ARHGAP4: variants seen among roughly 807,000 people sequenced by gnomAD.
The protein encoded by ARHGAP4 is Rho GTPase activating protein 4, also known as rho GTPase-activating protein 4.
A neutral mutation model predicts 67.6 loss-of-function variants in ARHGAP4; 25 were observed. The ratio of observed to expected loss-of-function variants is 0.37; its 90% CI spans 0.27 to 0.52. The LOEUF is 0.52. Ranked by LOEUF, ARHGAP4 falls within the 20% of genes least tolerant of loss-of-function variation. ARHGAP4 has a pLI of 0.92. For missense variants in ARHGAP4, 804 were observed against 854.6 expected, an observed-to-expected ratio of 0.94 and a Z score of 0.74; for synonymous variants, 448 against 373.7, an observed-to-expected ratio of 1.20 and a Z score of -2.29.
At chrX:153,910,901 G>A (rs781969307) in intron 14 of ARHGAP4, 21 bp downstream of exon 14, 95 of 440,837 alleles carry the variant, frequency 2.2e-4, no homozygotes, top group Non-Finnish European at 2.8e-4. Context: ...CCCCACCCCC[G>A]CCCGCCCTGC....
chrX:153,920,989 T>C, intron 4 of ARHGAP4, 108 bp downstream of exon 4: 7 of 1,059,811 alleles, frequency 6.6e-6, no homozygotes, highest in Non-Finnish European at 9.0e-6. Context: ...TGCTTCTCCC[T>C]GAGCCTGGCT....
At chrX:153,915,932 T>C (rs1413089699) in intron 7 of ARHGAP4, among the ~76,000 whole-genome samples, 4 of 111,857 alleles carry the variant, frequency 3.6e-5, no homozygotes, top group African/African-American at 6.5e-5. Flanking sequence ...TGGTCCCAGA[T>C]GAGGAAGATG....
At position 153,910,861 on chromosome X, in the gene ARHGAP4, G is replaced by T. The variant is rs368557149; in HGVS notation, c.1682-27C>A. 2.5e-6 allele frequency: 3 copies of T among 1,185,187 alleles called. No homozygotes were observed. In the African/African-American group the frequency reaches 5.3e-5, roughly 21 times the overall value. On this transcript the variant is annotated intron_variant, in intron 14 of 21. Coordinates refer to ENST00000350060, the MANE Select transcript of ARHGAP4 (RefSeq NM_001666.5). ...TGCAGATGGGCGAGTGGTGCGGTAGGGGGAGGAAGCTGGTGACATCTGCCC... is the reference window on the plus strand; with the variant it reads ...TGCAGATGGGCGAGTGGTGCGGTAGTGGGAGGAAGCTGGTGACATCTGCCC...
At chrX:153,916,564 T>G (rs1054418041) in intron 7 of ARHGAP4, among the ~76,000 whole-genome samples, 3 of 113,078 alleles carry the variant, frequency 2.7e-5, no homozygotes, top group Non-Finnish European at 5.6e-5. Flanking sequence ...GAGTTTCTAC[T>G]GGGGAAACTG....
intron 7 of ARHGAP4, among the ~76,000 whole-genome samples, chrX:153,918,099 A>G (rs2065067583): frequency 8.8e-6 from 1 of 113,169 alleles, no homozygotes; most frequent in Admixed American, 9.3e-5. Context: ...AAGGAAGGAC[A>G]TGTGATCCTA....
At chrX:153,913,968 T>C in intron 7 of ARHGAP4, 89 bp from the exon 8 acceptor site, 3 of 869,328 alleles carry the variant, frequency 3.5e-6, no homozygotes, top group Non-Finnish European at 4.9e-6. Context: ...AAGCACCCTT[T>C]TGTGGCCTGG....
intron 4 of ARHGAP4, 140 bp downstream of exon 4, chrX:153,920,957 G>A: frequency 1.2e-6 from 1 of 839,532 alleles, no homozygotes; most frequent in Middle Eastern, 3.0e-4. Flanking sequence ...CCTAGGGAGA[G>A]AGGCCTTTGC....
In ARHGAP4 at chrX:153,909,089, T is replaced by C. The variant is rs977337947; in HGVS notation, c.2588A>G (p.Gln863Arg). ...TCTCACCTTATCCACCTCCACGTGT[T>C]GCTCTGGGGAGGCTGGGACCAAGCA... ...RRCLVPASPE[Q>R]HVEVDKAVAQ... The change falls in exon 21 of 22, where the codon CAA becomes CGA. Residue 863 changes from glutamine (Q) to arginine (R), a missense_variant. By Grantham distance (43) the Gln-to-Arg change is conservative (BLOSUM62 1). This residue lies in a region of ARHGAP4 where 400 missense variants were observed against 348.7 expected (regional missense o/e 1.15). Transcript: ENST00000350060. The C allele has an allele frequency of 2.1e-5, 25 of 1,210,219 alleles. No individual in the cohort carries two copies. The highest frequency in any genetic ancestry group is 2.8e-5 in the Non-Finnish European group (25 of 895,015).
In ARHGAP4 at chrX:153,910,968, C is replaced by T. The variant is rs1557103143; in HGVS notation, c.1635G>A (p.Ser545=). The T allele has an allele frequency of 2.6e-6, 3 of 1,168,933 alleles. No homozygotes were observed. The highest frequency in any genetic ancestry group is 1.8e-5 in the African/African-American group (1 of 56,004). Residue 545 remains serine (S), a synonymous_variant, in exon 14 of 22, where the codon TCG becomes TCA. Coordinates refer to ENST00000350060, the MANE Select transcript of ARHGAP4 (RefSeq NM_001666.5). ...GLQHEGIFRV[S]GAQLRVSEIR... ...TCTCTGAGACCCGGAGCTGGGCACC[C>T]GATACCCGGAAGATGCCTTCATGCT...
At chrX:153,912,092 C>G (rs1557103404) in intron 12 of ARHGAP4, among the ~76,000 whole-genome samples, 1 of 104,658 alleles carries the variant, frequency 9.6e-6, no homozygotes, top group Non-Finnish European at 2.0e-5. Context: ...TCTTTTCTTT[C>G]TCTCTCTTTT....
At chrX:153,913,344 T>C (rs781796106) in intron 9 of ARHGAP4, 42 bp from the exon 10 acceptor site, 23 of 1,202,150 alleles carry the variant, frequency 1.9e-5, no homozygotes, top group Middle Eastern at 4.6e-4. Flanking sequence ...AGCCCTGGCT[T>C]GAGCCCCTCC....
At position 153,909,480 on chromosome X, in the gene ARHGAP4, T is replaced by C; in HGVS notation, c.2470A>G (p.Ser824Gly). The change falls in exon 20 of 22, where the codon AGT becomes GGT. Residue 824 changes from serine (S) to glycine (G), a missense_variant. Physicochemically the swap from Ser to Gly is moderately conservative, Grantham distance 56. Around this residue, in one of 2 missense-constraint regions of ARHGAP4, gnomAD observed 400 missense variants for 348.7 expected, o/e 1.15. Coordinates refer to ENST00000350060, the MANE Select transcript of ARHGAP4 (RefSeq NM_001666.5). ...TCCGATGCCAGGAGGCCCTCGGGAC[T>C]GCTCCCAGACTCCCCTGCAGTCTGC... ...GLQTAGESGSSPEGLLASELV... is the reference protein window; with the variant it reads ...GLQTAGESGSGPEGLLASELV... 8.3e-7 allele frequency: 1 copy of C among 1,209,426 alleles called. No homozygotes were observed.
At chrX:153,923,238 A>C (rs1171582281) in intron 1 of ARHGAP4, among the ~76,000 whole-genome samples, 1 of 111,064 alleles carries the variant, frequency 9.0e-6, no homozygotes, top group Non-Finnish European at 1.9e-5. Context: ...AAAAGACGGC[A>C]GGATTCAGAC....
rs2065031677 is a variant in ARHGAP4, at chrX:153,913,032, C to T, written c.1431G>A (p.Glu477=). The change falls in exon 11 of 22, where the codon GAG becomes GAA. Residue 477 remains glutamate (E), a synonymous_variant. Transcript: ENST00000350060. ...ALQRGDKEEQ[E]VSWTQYTQRK... is the part of the protein sequence containing the mutation. The stretch of plus-strand genomic sequence containing the variant: ...CCTCAGGGAGGACTCACCAAGACAC[C>T]TCCTGCTCCTCCTTGTCACCTGTGG... 6 of 1,193,862 alleles carry T rather than the reference C, an allele frequency of 5.0e-6. No individual in the cohort carries two copies. The highest frequency in any genetic ancestry group is 4.7e-4 in the Middle Eastern group (2 of 4,232).
At chrX:153,911,074 G>T (rs1314948663) in intron 13 of ARHGAP4, 55 bp downstream of exon 13, 2 of 1,162,295 alleles carry the variant, frequency 1.7e-6, no homozygotes, top group South Asian at 3.8e-5. Context: ...CATGCCAGGT[G>T]CTGGGAACTG....
chrX:153,913,246 G>A lies in ARHGAP4; in HGVS notation c.1383C>T (p.His461=), dbSNP rs782118048. The A allele has an allele frequency of 1.6e-5, 19 of 1,168,817 alleles. No individual in the cohort carries two copies. Among genetic ancestry groups the A allele is most frequent in the Admixed American group, 1.5e-4 (6 of 38,769 alleles). ...GCTGAAGGGCCTCCTGCAGCTTCTC[G>A]TGCTTGGCCTGCAGCTTGGCGAGGA... ...RSILAKLQAK[H]EKLQEALQRG... is the part of the protein sequence containing the mutation. The change falls in exon 10 of 22, where the codon CAC becomes CAT. Residue 461 remains histidine, a synonymous_variant. Coordinates refer to ENST00000350060, the MANE Select transcript of ARHGAP4 (RefSeq NM_001666.5).
chrX:153,921,950 G>A, intron 1 of ARHGAP4, 141 bp from the exon 2 acceptor site: 5 of 865,759 alleles, frequency 5.8e-6, no homozygotes, highest in Non-Finnish European at 7.8e-6. Flanking sequence ...CCTAGGCTGA[G>A]GGCAAGAGCT....
Position 153,921,756 on chromosome X carries a change from G to C in ARHGAP4, c.121C>G (p.Leu41Val). ...QLRCLELQGE[L>V]RRELLQELAE... ...AGCTCCTGCAGCAACTCCCGCCGCAGCTCGCCCTGCAGCTCCAGGCAGCGC... is the reference window on the plus strand; with the variant it reads ...AGCTCCTGCAGCAACTCCCGCCGCACCTCGCCCTGCAGCTCCAGGCAGCGC... Residue 41 changes from leucine to valine, a missense_variant, in exon 2 of 22, where the codon CTG becomes GTG. Around this residue, in one of 2 missense-constraint regions of ARHGAP4, gnomAD observed 404 missense variants for 505.9 expected, o/e 0.80. Coordinates refer to ENST00000350060, the MANE Select transcript of ARHGAP4 (RefSeq NM_001666.5). 1 of 1,202,126 alleles carries C rather than the reference G, an allele frequency of 8.3e-7. No individual in the cohort carries two copies. The highest frequency in any genetic ancestry group is 3.0e-5 in the East Asian group (1 of 33,409).
intron 1 of ARHGAP4, chrX:153,922,194 T>G: frequency 1.2e-6 from 1 of 843,996 alleles, no homozygotes; most frequent in East Asian, 8.1e-5. Flanking sequence ...GCGACTTCCT[T>G]TCCCGCCGGT....
Sources: gnomAD v4.1 joint callset for allele counts (sites outside exome capture counted in the v4.1 genomes callset) on GRCh38, gnomAD v4.1.1 for gene constraint, gnomAD v4.1.1 regional missense constraint, MANE v1.5 for transcripts, NCBI Gene and HGNC (gene_info 2026-07-23, HGNC 2026-07-21) for gene names.